RPN1: variants seen among roughly 807,000 people sequenced by gnomAD.
The protein encoded by RPN1 is ribophorin I, also known as dolichyl-diphosphooligosaccharide--protein glycosyltransferase subunit 1.
A neutral mutation model predicts 55.5 loss-of-function variants in RPN1; 12 were observed. That is an observed-to-expected ratio of 0.22 (90% confidence interval 0.14 to 0.35). RPN1 has a LOEUF of 0.35. Among genes scored for constraint, RPN1 ranks in the 10% least tolerant of loss-of-function variants. The pLI is 1.00. For missense variants in RPN1, 679 were observed against 761.3 expected, an observed-to-expected ratio of 0.89 and a Z score of 1.27; for synonymous variants, 317 against 305.9, an observed-to-expected ratio of 1.04 and a Z score of -0.38.
chr3:128,624,005 G>T (rs868529697), intron 8 of RPN1, among the ~76,000 whole-genome samples: 2 of 147,914 alleles, frequency 1.4e-5, no homozygotes, highest in African/African-American at 5.0e-5. Context: ...ACACACACAC[G>T]CACACACACA....
chr3:128,635,258 C>A (rs1388033644), intron 3 of RPN1, among the ~76,000 whole-genome samples: 2 of 151,386 alleles, frequency 1.3e-5, no homozygotes, highest in Non-Finnish European at 2.9e-5. Flanking sequence ...TAAATGGTTA[C>A]CAAGGAGAAC....
chr3:128,620,374 C>T lies in RPN1; in HGVS notation c.*37G>A. ...CCAATCTGCCTGCCACAGCAAAGTG[C>T]AGGCACCCTGGGCCCCCTGGAGGAT... is the stretch of plus-strand genomic sequence containing the variant. On this transcript the variant is annotated 3_prime_UTR_variant, in exon 10 of 10. Transcript: ENST00000296255. 2 of 1,582,578 alleles carry T rather than the reference C, an allele frequency of 1.3e-6. No homozygotes were observed. Among genetic ancestry groups the T allele is most frequent in the Non-Finnish European group, 8.6e-7 (1 of 1,160,182 alleles).
intron 1 of RPN1, among the ~76,000 whole-genome samples, chr3:128,645,810 ACT>A (rs1173268308): frequency 1.3e-5 from 2 of 152,032 alleles, no homozygotes; most frequent in South Asian, 2.1e-4. Flanking sequence ...ACAGAGCGAG[ACT>A]CTGTCTCAAA....
intron 8 of RPN1, among the ~76,000 whole-genome samples, chr3:128,623,946 C>T (rs2069579388): frequency 6.6e-6 from 1 of 152,010 alleles, no homozygotes; most frequent in Non-Finnish European, 1.5e-5. Context: ...GGTAAAGGGG[C>T]ACAACGTCTG....
intron 3 of RPN1, among the ~76,000 whole-genome samples, chr3:128,635,614 T>TATATATATATATATATATATATATAG (rs1410352286): frequency 2.3e-4 from 1 of 4,270 alleles, no homozygotes; most frequent in Admixed American, 2.3e-3. Context: ...TAACTTGAGA[T>TATATATATATATATATATATATATAG]ATATATATAT....
chr3:128,650,119 G>A (rs186294537), intron 1 of RPN1, among the ~76,000 whole-genome samples: 1,542 of 152,332 alleles, frequency 0.01, 64 homozygotes, highest in Admixed American at 0.07. Flanking sequence ...TCTGGCGCCC[G>A]CTGGCACCGG....
At chr3:128,648,802 C>G (rs1200489438) in intron 1 of RPN1, among the ~76,000 whole-genome samples, 1 of 152,138 alleles carries the variant, frequency 6.6e-6, no homozygotes, top group South Asian at 2.1e-4. Flanking sequence ...CAATACAATC[C>G]TATCTCACAG....
chr3:128,649,632 T>C (rs2069798575), intron 1 of RPN1, among the ~76,000 whole-genome samples: 2 of 152,228 alleles, frequency 1.3e-5, no homozygotes, highest in Admixed American at 1.3e-4. Flanking sequence ...AATGAAATTG[T>C]TTAACAACAA....
chr3:128,630,118 T>A lies in RPN1; in HGVS notation c.869A>T (p.Asp290Val). 6.2e-7 allele frequency: 1 copy of A among 1,613,314 alleles called. No individual in the cohort carries two copies. Among genetic ancestry groups the A allele is most frequent in the Non-Finnish European group, 8.5e-7 (1 of 1,179,498 alleles). ...GCCAATCTCATCCCGGTAATAAACA[T>A]CCTGGGCAGCAGCAGGAAGGATGGT... ...FKTILPAAAQ[D>V]VYYRDEIGNV... The change falls in exon 5 of 10, where the codon GAT becomes GTT. Residue 290 changes from aspartate to valine, a missense_variant. Around this residue, in one of 3 missense-constraint regions of RPN1, gnomAD observed 21 missense variants for 48.6 expected, o/e 0.43. Coordinates refer to ENST00000296255, the MANE Select transcript of RPN1 (RefSeq NM_002950.4).
At chr3:128,636,219 G>T (rs149987667) in intron 3 of RPN1, among the ~76,000 whole-genome samples, 1,953 of 152,276 alleles carry the variant, frequency 0.013, 40 homozygotes, top group African/African-American at 0.043. Context: ...ACAGCACTTT[G>T]GGAGGCCGAG....
rs201493798 is a variant in RPN1 at position 128,625,601 on chromosome 3, A to G, written c.1328T>C (p.Val443Ala). The G allele has an allele frequency of 1.4e-5, 22 of 1,614,018 alleles. No individual in the cohort carries two copies. Among genetic ancestry groups the G allele is most frequent in the Admixed American group, 5.0e-5 (3 of 59,986 alleles). ...VLMLQEPLLV[V>A]AAFYILFFTV... ...GAAGAACAGGATGTAGAAGGCCGCC[A>G]CCACCAGCAGGGGCTCCTGCAGCAT... Residue 443 changes from valine (V) to alanine (A), a missense_variant, in exon 8 of 10, where the codon GTG becomes GCG. Val to Ala is a moderately conservative substitution (Grantham distance 64, BLOSUM62 0). This residue lies in a region of RPN1 where 306 missense variants were observed against 360.0 expected (regional missense o/e 0.85). Transcript: ENST00000296255.
At chr3:128,633,848 T>A (rs778773294) in intron 3 of RPN1, among the ~76,000 whole-genome samples, 25 of 150,624 alleles carry the variant, frequency 1.7e-4, no homozygotes, top group Non-Finnish European at 1.5e-4. Context: ...CCAGGTGTGG[T>A]GATGGGCGCC....
rs1163470503 is a variant in RPN1 at position 128,650,431 on chromosome 3, G to T, written c.261+109C>A. The T allele has an allele frequency of 5.2e-6, 6 of 1,158,358 alleles. No homozygotes were observed. The East Asian group carries it at 1.6e-4, about 32-fold the overall frequency. The allele number at this position is 1,158,358 out of a possible 1,614,324, so 71.8% of individuals were successfully genotyped here. A position where few individuals can be genotyped will look rare whatever the true frequency, so the allele number is the denominator to read the frequency against. ...CCCCTGTGCCCCGCCCGCCGCCCGG[G>T]TCTCCGCATTTCCTGAGGCCTAGAG... On this transcript the variant is annotated intron_variant, in intron 1 of 9. Transcript: ENST00000296255.
Position 128,630,149 on chromosome 3 carries a change from A to G in RPN1, c.844-6T>C. The stretch of plus-strand genomic sequence containing the variant: ...GCAGCAGCAGGAAGGATGGTCTGCA[A>G]GAGAGTGGATATGCCCTTCTAAAAC... On this transcript the variant is annotated splice_region_variant and splice_polypyrimidine_tract_variant and intron_variant, in intron 4 of 9. Transcript: ENST00000296255. 6.2e-7 allele frequency: 1 copy of G among 1,607,614 alleles called. No individual in the cohort carries two copies. The highest frequency in any genetic ancestry group is 8.5e-7 in the Non-Finnish European group (1 of 1,175,272).
At chr3:128,622,710 T>C (rs554262421) in intron 8 of RPN1, among the ~76,000 whole-genome samples, 1 of 151,860 alleles carries the variant, frequency 6.6e-6, no homozygotes, top group South Asian at 2.1e-4. Flanking sequence ...CTGACCAATA[T>C]GGTGACATCC....
intron 2 of RPN1, among the ~76,000 whole-genome samples, chr3:128,640,850 TC>T (rs140600145): frequency 0.012 from 1,744 of 150,222 alleles, 40 homozygotes; most frequent in African/African-American, 0.04. Flanking sequence ...TAATCTCCCT[TC>T]CCCCCAGCCC....
chr3:128,637,651 TCAC>T lies in RPN1; in HGVS notation c.633+145_633+147del. The T allele has an allele frequency of 3.9e-6, 3 of 760,794 alleles. No individual in the cohort carries two copies. In the South Asian group the frequency reaches 5.3e-5, roughly 13 times the overall value. The allele number at this position is 760,794 out of a possible 1,614,324, so 47.1% of individuals were successfully genotyped here. On this transcript the variant is annotated intron_variant, in intron 3 of 9. Coordinates refer to ENST00000296255, the MANE Select transcript of RPN1 (RefSeq NM_002950.4). ...GAAACAAGACCCCCATGGAGTCATT[TCAC>T]TGCAGGTTAAACACTTTTGGGATGA...
rs1444252671 is a variant in RPN1 at position 128,646,121 on chromosome 3, G to A, written c.262-1138C>T. 2.0e-5 allele frequency among the ~76,000 whole-genome samples: 3 copies of A among 151,024 alleles called. No individual in the cohort carries two copies. In the South Asian group the frequency reaches 6.3e-4, roughly 32 times the overall value. ...TAGCCGGGTGTGGTGGCGTGTGGAG[G>A]CTGAGGCAGGAGAATTTCGTGAATC... On this transcript the variant is annotated intron_variant, in intron 1 of 9. Coordinates refer to ENST00000296255, the MANE Select transcript of RPN1 (RefSeq NM_002950.4).
chr3:128,622,912 A>G (rs1186479508), intron 8 of RPN1, among the ~76,000 whole-genome samples: 1 of 151,838 alleles, frequency 6.6e-6, no homozygotes, highest in South Asian at 2.1e-4. Flanking sequence ...AAAAAAAAAA[A>G]AGATGAAGCA....
Sources: gnomAD v4.1 joint callset for allele counts (sites outside exome capture counted in the v4.1 genomes callset) on GRCh38, gnomAD v4.1.1 for gene constraint, gnomAD v4.1.1 regional missense constraint, MANE v1.5 for transcripts, NCBI Gene and HGNC (gene_info 2026-07-23, HGNC 2026-07-21) for gene names.